The following CNTN5 variants were observed in gnomAD, a reference collection of about 807,000 sequenced individuals.
The protein encoded by CNTN5 is contactin 5.
A neutral mutation model predicts 129.1 loss-of-function variants in CNTN5; 77 were observed. That is an observed-to-expected ratio of 0.60 (90% CI 0.50 to 0.72). The LOEUF is 0.72. CNTN5 is among the 30% of genes least tolerant of loss of function. The pLI is 0.00. For missense variants in CNTN5, 1,478 were observed against 1,328.8 expected (o/e 1.11, Z -1.75); for synonymous variants, 509 against 465.6 (o/e 1.09, Z -1.20).
intron 3 of CNTN5, among the ~76,000 whole-genome samples, chr11:99,762,888 T>A (rs984256176): frequency 6.6e-6 from 1 of 152,168 alleles, no homozygotes; most frequent in Non-Finnish European, 1.5e-5. Flanking sequence ...TCTTATGAAT[T>A]CTTTTCTTGT....
chr11:99,495,927 A>G (rs1039589), intron 2 of CNTN5, among the ~76,000 whole-genome samples: 149,724 of 152,286 alleles, frequency 0.98, 73,664 homozygotes, highest in East Asian at 1. Context: ...ATTGGCTTGG[A>G]TGACTGAGTG....
chr11:99,278,300 T>G (rs992928296), intron 1 of CNTN5, among the ~76,000 whole-genome samples: 4 of 151,656 alleles, frequency 2.6e-5, no homozygotes, highest in Non-Finnish European at 5.9e-5. Flanking sequence ...GAATAACTGG[T>G]AAGTTTAACA....
intron 13 of CNTN5, among the ~76,000 whole-genome samples, chr11:100,152,199 G>C (rs953070617): frequency 6.6e-6 from 1 of 152,032 alleles, no homozygotes; most frequent in Non-Finnish European, 1.5e-5. Flanking sequence ...AACCCCAAAG[G>C]CTTCTTCCAC....
chr11:99,690,112 G>A (rs146449827), intron 3 of CNTN5, among the ~76,000 whole-genome samples: 209 of 152,208 alleles, frequency 1.4e-3, no homozygotes, highest in African/African-American at 4.9e-3. Flanking sequence ...TGTATATGGT[G>A]TAAGGAAGGG....
intron 1 of CNTN5, among the ~76,000 whole-genome samples, chr11:99,270,741 T>C (rs545542114): frequency 6.6e-6 from 1 of 152,026 alleles, no homozygotes; most frequent in Non-Finnish European, 1.5e-5. Flanking sequence ...CTGTCATTCA[T>C]GTATTTGAGA....
At chr11:99,936,241 A>T (rs183526167) in intron 7 of CNTN5, among the ~76,000 whole-genome samples, 4 of 152,306 alleles carry the variant, frequency 2.6e-5, no homozygotes, top group Admixed American at 1.3e-4. Flanking sequence ...AGACATAAGC[A>T]TCCACCTGTT....
chr11:99,642,564 G>T (rs1205713972), intron 3 of CNTN5, among the ~76,000 whole-genome samples: 2 of 152,116 alleles, frequency 1.3e-5, no homozygotes, highest in Non-Finnish European at 2.9e-5. Context: ...GAACAATTCA[G>T]GTAATTAGCA....
chr11:99,583,251 A>T (rs2726359), intron 3 of CNTN5, among the ~76,000 whole-genome samples: 5 of 152,104 alleles, frequency 3.3e-5, no homozygotes, highest in Non-Finnish European at 5.9e-5. Context: ...GGTGCCTCCC[A>T]GTTAGGCTAC....
At chr11:99,178,776 A>G (rs944671414) in intron 1 of CNTN5, among the ~76,000 whole-genome samples, 3 of 152,072 alleles carry the variant, frequency 2.0e-5, no homozygotes, top group Non-Finnish European at 4.4e-5. Context: ...AGCTTTAATA[A>G]TCTTTTCAAT....
chr11:99,472,007 A>T (rs1945195852), intron 2 of CNTN5, among the ~76,000 whole-genome samples: 1 of 152,106 alleles, frequency 6.6e-6, no homozygotes, highest in Non-Finnish European at 1.5e-5. Context: ...CTTAAAATTT[A>T]ATCATAACCA....
intron 6 of CNTN5, among the ~76,000 whole-genome samples, chr11:99,879,763 A>G (rs1948724596): frequency 6.6e-6 from 1 of 152,194 alleles, no homozygotes; most frequent in African/African-American, 2.4e-5. Flanking sequence ...GCTTGAAATT[A>G]TATAGGTTTG....
At position 99,762,690 on chromosome 11, in the gene CNTN5, A is replaced by G. The variant is rs997936353; in HGVS notation, c.56-56854A>G. Among the ~76,000 whole-genome samples, 4 of 151,916 alleles carry G rather than the reference A, an allele frequency of 2.6e-5. 1 individual carries two copies. In the South Asian group the frequency reaches 8.3e-4, roughly 31 times the overall value. On this transcript the variant is annotated intron_variant, in intron 3 of 24. Coordinates refer to ENST00000524871, the MANE Select transcript of CNTN5 (RefSeq NM_014361.4). ...GTAGCCTTGTAGTACAGTTTGAAGG[A>G]TTCTGTATAAGTTAAATGGAAATAA...
rs1050932945 is a variant in CNTN5 at position 99,841,821 on chromosome 11, T to G, written c.278-3031T>G. Among the ~76,000 whole-genome samples, 131 of 144,220 alleles carry G rather than the reference T, an allele frequency of 9.1e-4. 1 individual carries two copies. The highest frequency in any genetic ancestry group is 3.2e-3 in the African/African-American group (127 of 39,330). The allele number at this position is 144,220 out of a possible 152,430, so 94.6% of individuals were successfully genotyped here. ...TATATGTGGTGTGTGTGTATATATG[T>G]GTGTATATATATATACACACACACA... On this transcript the variant is annotated intron_variant, in intron 4 of 24. Coordinates refer to ENST00000524871, the MANE Select transcript of CNTN5 (RefSeq NM_014361.4).
intron 13 of CNTN5, among the ~76,000 whole-genome samples, chr11:100,120,398 T>C (rs1192057195): frequency 1.3e-5 from 2 of 151,974 alleles, no homozygotes; most frequent in Non-Finnish European, 2.9e-5. Flanking sequence ...CTCTTTTTTT[T>C]CCTTCAATTT....
intron 7 of CNTN5, among the ~76,000 whole-genome samples, chr11:99,926,670 A>G (rs1239740829): frequency 6.6e-6 from 1 of 152,150 alleles, no homozygotes; most frequent in African/African-American, 2.4e-5. Context: ...TTATACCACA[A>G]ACACAAAAAG....
intron 3 of CNTN5, among the ~76,000 whole-genome samples, chr11:99,564,438 C>T (rs1948940094): frequency 1.3e-5 from 2 of 151,990 alleles, no homozygotes; most frequent in Admixed American, 6.6e-5. Context: ...TTCTCTGTAT[C>T]CTCATTTTCA....
intron 3 of CNTN5, among the ~76,000 whole-genome samples, chr11:99,688,323 T>G (rs1287569120): frequency 1.3e-5 from 2 of 152,120 alleles, no homozygotes; most frequent in African/African-American, 4.8e-5. Flanking sequence ...ATTACAGGTG[T>G]GAAGCCATCA....
chr11:99,728,877 A>G (rs1943438625), intron 3 of CNTN5, among the ~76,000 whole-genome samples: 1 of 152,190 alleles, frequency 6.6e-6, no homozygotes, highest in East Asian at 1.9e-4. Context: ...GCCAGAGCTA[A>G]CCTCATAACT....
chr11:99,552,885 AGAC>A (rs1948540512), intron 2 of CNTN5, among the ~76,000 whole-genome samples: 1 of 152,180 alleles, frequency 6.6e-6, no homozygotes, highest in African/African-American at 2.4e-5. Flanking sequence ...CATTTTTAAA[AGAC>A]TAACTTGTAA....
Sources: allele counts gnomAD v4.1 joint callset (sites outside exome capture counted in the v4.1 genomes callset), GRCh38; gene constraint gnomAD v4.1.1; transcripts MANE v1.5; gene names NCBI Gene and HGNC (gene_info 2026-07-23, HGNC 2026-07-21).